The following PUM2 variants were observed in gnomAD, a reference collection of about 807,000 sequenced individuals.
PUM2 encodes the protein pumilio RNA binding family member 2.
Under a neutral mutation model 124.5 loss-of-function variants are expected in PUM2, and 57 were observed. The observed-to-expected ratio is 0.46, with a 90% confidence interval of 0.37 to 0.57. The LOEUF is 0.57. Among genes scored for constraint, PUM2 ranks in the 20% least tolerant of loss-of-function variants. The pLI is 0.00. For synonymous variants in PUM2, 460 were observed against 446.1 expected (o/e 1.03, Z -0.39); for missense variants, 1,065 against 1,290.6 (o/e 0.83, Z 2.68).
chr2:20,312,444 A>G (rs760513129), intron 3 of PUM2, 21 bp from the exon 4 acceptor site: 12 of 1,588,430 alleles, frequency 7.6e-6, no homozygotes, highest in Middle Eastern at 1.7e-4. Context: ...GAAAAAACAC[A>G]ATTATATACT....
At chr2:20,280,825 T>C (rs974453971) in intron 12 of PUM2, among the ~76,000 whole-genome samples, 3 of 152,172 alleles carry the variant, frequency 2.0e-5, no homozygotes, top group Admixed American at 2.0e-4. Flanking sequence ...GGCTAAATTA[T>C]AAACTTTCAA....
intron 13 of PUM2, among the ~76,000 whole-genome samples, chr2:20,277,965 G>T (rs1670626151): frequency 6.6e-6 from 1 of 152,122 alleles, no homozygotes; most frequent in Non-Finnish European, 1.5e-5. Context: ...TAATTTGGGG[G>T]TGGGAACAAT....
At chr2:20,327,151 A>G (rs1469677744) in intron 2 of PUM2, among the ~76,000 whole-genome samples, 159 bp downstream of exon 2, 2 of 152,160 alleles carry the variant, frequency 1.3e-5, no homozygotes, top group Non-Finnish European at 2.9e-5. Context: ...AAAGCTAAAA[A>G]TCACAACAGA....
At chr2:20,294,555 T>C (rs1203209477) in intron 8 of PUM2, 37 bp from the exon 9 acceptor site, 3 of 1,559,806 alleles carry the variant, frequency 1.9e-6, no homozygotes, top group South Asian at 2.4e-5. Context: ...AAAAAGTTAC[T>C]AGATTTTACA....
intron 10 of PUM2, among the ~76,000 whole-genome samples, chr2:20,289,883 T>A (rs1295266249): frequency 6.6e-6 from 1 of 152,226 alleles, no homozygotes; most frequent in Non-Finnish European, 1.5e-5. Context: ...GTAACCCATA[T>A]ACGGACAACC....
intron 5 of PUM2, among the ~76,000 whole-genome samples, 159 bp from the exon 6 acceptor site, chr2:20,308,743 A>G (rs564518575): frequency 6.6e-6 from 1 of 152,316 alleles, no homozygotes; most frequent in African/African-American, 2.4e-5. Flanking sequence ...TCTATTTAAT[A>G]TAACTTTCCT....
Position 20,290,719 on chromosome 2 carries a change from T to C in PUM2, c.1224A>G (p.Ser408=). The change falls in exon 10 of 21, where the codon TCA becomes TCG. Residue 408 remains serine (S), a synonymous_variant. Coordinates refer to ENST00000361078, the MANE Select transcript of PUM2 (RefSeq NM_015317.5). Reference sequence around the variant, plus strand: ...GATTTGCTGCTGCAGCTGCCGCAAGTGATTCTGCTTGCTGCCCTTGCTGAC... The same window carrying C: ...GATTTGCTGCTGCAGCTGCCGCAAGCGATTCTGCTTGCTGCCCTTGCTGAC... ...NQGQQGQQAE[S]LAAAAAANPT... is the part of the protein sequence containing the mutation. 6.2e-7 allele frequency: 1 copy of C among 1,613,660 alleles called. No homozygotes were observed. Among genetic ancestry groups the C allele is most frequent in the Non-Finnish European group, 8.5e-7 (1 of 1,179,864 alleles).
In PUM2 at chr2:20,254,939, G is replaced by C. The variant is rs750728834; in HGVS notation, c.2794C>G (p.Arg932Gly). 1.9e-6 allele frequency: 3 copies of C among 1,613,718 alleles called. No individual in the cohort carries two copies. The highest frequency in any genetic ancestry group is 2.2e-5 in the East Asian group (1 of 44,846). The change falls in exon 19 of 21, where the codon CGA becomes GGA. Residue 932 changes from arginine (R) to glycine (G), a missense_variant. Physicochemically the swap from Arg to Gly is moderately radical, Grantham distance 125. This residue lies in a region of PUM2 where 968 missense variants were observed against 1,159.8 expected (regional missense o/e 0.83). Transcript: ENST00000361078. ...YVIQHVLEHGRPEDKSKIVSE... is the reference protein window; with the variant it reads ...YVIQHVLEHGGPEDKSKIVSE... ...ACAATTTTGCTCTTGTCTTCAGGTC[G>C]ACCGTGTTCCAGTACATGCTGAATA...
intron 1 of PUM2, among the ~76,000 whole-genome samples, chr2:20,336,748 CTGTGTGTGTGTGTGTGTGTGTG>C (rs70939037): frequency 7.4e-4 from 72 of 97,500 alleles, no homozygotes; most frequent in South Asian, 5.9e-3. Flanking sequence ...CCAGGCTGAT[CTGTGTGTGTGTGTGTGTGTGTG>C]TGTGTGTGTG....
intron 10 of PUM2, among the ~76,000 whole-genome samples, chr2:20,287,068 C>A (rs564068399): frequency 6.6e-6 from 1 of 152,104 alleles, no homozygotes; most frequent in Non-Finnish European, 1.5e-5. Context: ...ACATGGTCCT[C>A]GTACTCAAGA....
Position 20,260,442 on chromosome 2 carries a change from T to C in PUM2, c.2250A>G (p.Arg750=). Residue 750 remains arginine (R), a synonymous_variant, in exon 15 of 21, where the codon AGA becomes AGG. Coordinates refer to ENST00000361078, the MANE Select transcript of PUM2 (RefSeq NM_015317.5). ...GSRFIQQKLE[R]ATPAERQMVF... Reference sequence around the variant, plus strand: ...CCATCTGTCGCTCAGCTGGAGTAGCTCTCTCTAGTTTTTGCTGTATGAATC... The same window carrying C: ...CCATCTGTCGCTCAGCTGGAGTAGCCCTCTCTAGTTTTTGCTGTATGAATC... 1 of 1,609,502 alleles carries C rather than the reference T, an allele frequency of 6.2e-7. No individual in the cohort carries two copies. Among genetic ancestry groups the C allele is most frequent in the Non-Finnish European group, 8.5e-7 (1 of 1,176,296 alleles).
At chr2:20,340,597 C>G (rs886635137) in intron 1 of PUM2, among the ~76,000 whole-genome samples, 3 of 152,276 alleles carry the variant, frequency 2.0e-5, no homozygotes, top group Middle Eastern at 3.4e-3. Flanking sequence ...TTTCACCTAC[C>G]CAAGGCTGGC....
At chr2:20,331,225 T>A (rs911211927) in intron 1 of PUM2, among the ~76,000 whole-genome samples, 13 of 151,802 alleles carry the variant, frequency 8.6e-5, no homozygotes, top group Non-Finnish European at 1.9e-4. Context: ...GGGTAGGGGA[T>A]GAGAAACTTT....
At position 20,308,347 on chromosome 2, in the gene PUM2, A is replaced by G. The variant is rs780684813; in HGVS notation, c.756T>C (p.Thr252=). 1.9e-6 allele frequency: 3 copies of G among 1,613,960 alleles called. No homozygotes were observed. The highest frequency in any genetic ancestry group is 1.6e-4 in the Middle Eastern group (1 of 6,084). The change falls in exon 6 of 21, where the codon ACT becomes ACC. Residue 252 remains threonine (T), a synonymous_variant. Coordinates refer to ENST00000361078, the MANE Select transcript of PUM2 (RefSeq NM_015317.5). ...NQVPMDSSGA[T]VGLFDYNSQQ... ...GGGAATTGTAGTCAAAAAGGCCTAC[A>G]GTAGCTCCTGAAGAGTCCATTGGTA...
chr2:20,312,457 T>C lies in PUM2; in HGVS notation c.161-34A>G, dbSNP rs372520321. On this transcript the variant is annotated intron_variant, in intron 3 of 20. Transcript: ENST00000361078. ...AAGAAAAAACACAATTATATACTTA[T>C]ACTTTTAAGTTAAACAAAATGTAGT... 1.2e-3 allele frequency: 1,828 copies of C among 1,545,814 alleles called. 44 individuals are homozygous for C. Among genetic ancestry groups the C allele is most frequent in the Non-Finnish European group, 2.5e-4 (290 of 1,140,168 alleles).
intron 5 of PUM2, among the ~76,000 whole-genome samples, chr2:20,309,568 T>G (rs1383213601): frequency 1.3e-5 from 2 of 152,176 alleles, no homozygotes; most frequent in African/African-American, 4.8e-5. Flanking sequence ...TTCTAGCCCA[T>G]TATCAATCCT....
At chr2:20,332,298 TGTGTGTGTGTGTGTG>T (rs1558665099) in intron 1 of PUM2, among the ~76,000 whole-genome samples, 3 of 79,270 alleles carry the variant, frequency 3.8e-5, no homozygotes, top group Non-Finnish European at 1.0e-4. Flanking sequence ...TGTGTGTGTG[TGTGTGTGTGTGTGTG>T]TGTGTGTGTT....
intron 15 of PUM2, among the ~76,000 whole-genome samples, chr2:20,258,958 C>T (rs1257670272): frequency 2.6e-5 from 4 of 152,088 alleles, no homozygotes; most frequent in South Asian, 4.1e-4. Context: ...TGAGCCACCG[C>T]GCCCGGCCAA....
At chr2:20,264,535 A>G (rs773706321) in intron 13 of PUM2, among the ~76,000 whole-genome samples, 5 of 151,596 alleles carry the variant, frequency 3.3e-5, no homozygotes, top group Non-Finnish European at 5.9e-5. Context: ...AAGAGCAGTC[A>G]ATAGAAATAA....
Sources: gnomAD v4.1 joint callset for allele counts (sites outside exome capture counted in the v4.1 genomes callset) on GRCh38, gnomAD v4.1.1 for gene constraint, gnomAD v4.1.1 regional missense constraint, MANE v1.5 for transcripts, NCBI Gene and HGNC (gene_info 2026-07-23, HGNC 2026-07-21) for gene names.